The following LMBRD1 variants were observed in gnomAD, a reference collection of about 807,000 sequenced individuals.
The protein encoded by LMBRD1 is LMBR1 domain containing 1, also known as lysosomal cobalamin transport escort protein LMBD1.
In LMBRD1, 64 loss-of-function variants were observed where a neutral mutation model predicts 74.8. The observed-to-expected ratio is 0.86, with a 90% confidence interval of 0.70 to 1.05. The LOEUF (loss-of-function observed/expected upper bound fraction) is 1.05. LMBRD1 is among the 50% of genes least tolerant of loss of function. LMBRD1 has a pLI of 0.00. For synonymous variants in LMBRD1, 204 were observed against 216.3 expected (o/e 0.94, Z 0.50); for missense variants, 652 against 645.9 (o/e 1.01, Z -0.10).
At chr6:69,701,988 C>A in intron 9 of LMBRD1, 35 bp from the exon 10 acceptor site, 4 of 1,312,998 alleles carry the variant, frequency 3.0e-6, no homozygotes, top group East Asian at 2.4e-5. Context: ...AAATATAGTT[C>A]TAAAAGTTGA....
At chr6:69,771,341 C>T (rs1765573655) in intron 3 of LMBRD1, among the ~76,000 whole-genome samples, 1 of 152,162 alleles carries the variant, frequency 6.6e-6, no homozygotes, top group Non-Finnish European at 1.5e-5. Flanking sequence ...GCTATGTGGG[C>T]CTCTCCATAA....
chr6:69,737,243 T>C (rs1050905469), intron 7 of LMBRD1, among the ~76,000 whole-genome samples: 13 of 152,152 alleles, frequency 8.5e-5, no homozygotes, highest in African/African-American at 2.4e-5. Context: ...ATAATATTAA[T>C]GCTGCTTATA....
intron 9 of LMBRD1, among the ~76,000 whole-genome samples, chr6:69,703,405 T>G (rs1766176616): frequency 6.8e-6 from 1 of 147,948 alleles, no homozygotes; most frequent in Non-Finnish European, 1.5e-5. Flanking sequence ...GAACATGATA[T>G]AGAAACAGCA....
chr6:69,712,787 G>A (rs894109648), intron 9 of LMBRD1, among the ~76,000 whole-genome samples: 1 of 152,008 alleles, frequency 6.6e-6, no homozygotes. Flanking sequence ...AAGTTCCAGA[G>A]GTCTGCCATG....
At chr6:69,727,766 A>C (rs913806928) in intron 7 of LMBRD1, among the ~76,000 whole-genome samples, 3 of 151,544 alleles carry the variant, frequency 2.0e-5, no homozygotes, top group Non-Finnish European at 4.4e-5. Flanking sequence ...GAAAAATACA[A>C]AGAATAAAGC....
intron 9 of LMBRD1, among the ~76,000 whole-genome samples, 181 bp from the exon 10 acceptor site, chr6:69,702,134 A>G (rs1766146082): frequency 6.6e-6 from 1 of 151,940 alleles, no homozygotes; most frequent in Non-Finnish European, 1.5e-5. Flanking sequence ...TTATGAGACT[A>G]TTTGATTGAG....
intron 7 of LMBRD1, among the ~76,000 whole-genome samples, chr6:69,724,397 C>T (rs954067150): frequency 1.4e-5 from 2 of 139,838 alleles, no homozygotes; most frequent in Non-Finnish European, 3.1e-5. Context: ...AATATTCATA[C>T]AAAAACCCCT....
chr6:69,714,298 G>T (rs1464154991), intron 8 of LMBRD1, among the ~76,000 whole-genome samples: 1 of 151,896 alleles, frequency 6.6e-6, no homozygotes, highest in Non-Finnish European at 1.5e-5. Context: ...AGAGGTTTTT[G>T]TAACAATTGC....
chr6:69,761,321 C>CA lies in LMBRD1; in HGVS notation c.308-8966dup, dbSNP rs879914780. Among the ~76,000 whole-genome samples the CA allele has an allele frequency of 6.0e-3, 883 of 147,430 alleles. 9 individuals carry two copies. The highest frequency in any genetic ancestry group is 0.017 in the Middle Eastern group (5 of 290). On this transcript the variant is annotated intron_variant, in intron 3 of 15. Coordinates refer to ENST00000649934, the MANE Select transcript of LMBRD1 (RefSeq NM_018368.4). ...TTACACTGCAATGCCATTTTTTTAACAAAAAAAAAATTGTTAAATAAAATG... is the reference window on the plus strand; with the variant it reads ...TTACACTGCAATGCCATTTTTTTAACAAAAAAAAAAATTGTTAAATAAAATG...
intron 14 of LMBRD1, among the ~76,000 whole-genome samples, chr6:69,688,675 G>C (rs1204566260): frequency 6.6e-6 from 1 of 151,790 alleles, no homozygotes; most frequent in Non-Finnish European, 1.5e-5. Context: ...TGTCATCATT[G>C]TGTCTCTCAT....
At chr6:69,708,518 A>G (rs1766311375) in intron 9 of LMBRD1, among the ~76,000 whole-genome samples, 1 of 152,162 alleles carries the variant, frequency 6.6e-6, no homozygotes, top group South Asian at 2.1e-4. Flanking sequence ...AAGAAGTTAC[A>G]GAGTTGGTGA....
intron 7 of LMBRD1, among the ~76,000 whole-genome samples, chr6:69,721,967 C>T (rs1032552736): frequency 6.6e-6 from 1 of 152,036 alleles, no homozygotes; most frequent in Non-Finnish European, 1.5e-5. Flanking sequence ...GGGAGAGACT[C>T]CTCTGCCTGT....
Position 69,674,927 on chromosome 6 carries a change from C to T in LMBRD1, c.*1231G>A, listed in dbSNP as rs934283459. Reference sequence around the variant, plus strand: ...AGGGGAGGTTGCAGTGAGCTGAGATCGTGCCATTGCACTCCAGCCTGGGCG... The same window carrying T: ...AGGGGAGGTTGCAGTGAGCTGAGATTGTGCCATTGCACTCCAGCCTGGGCG... On this transcript the variant is annotated 3_prime_UTR_variant, in exon 16 of 16. Coordinates refer to ENST00000649934, the MANE Select transcript of LMBRD1 (RefSeq NM_018368.4). Among the ~76,000 whole-genome samples, 1 of 151,814 alleles carries T rather than the reference C, an allele frequency of 6.6e-6. No individual in the cohort carries two copies. The highest frequency in any genetic ancestry group is 2.4e-5 in the African/African-American group (1 of 41,314).
intron 3 of LMBRD1, among the ~76,000 whole-genome samples, chr6:69,770,808 T>A (rs549653901): frequency 6.6e-6 from 1 of 152,102 alleles, no homozygotes; most frequent in East Asian, 1.9e-4. Flanking sequence ...CATCAGAATG[T>A]AATTAAAGGC....
At chr6:69,745,553 C>T (rs375531725) in intron 5 of LMBRD1, among the ~76,000 whole-genome samples, 143 of 152,296 alleles carry the variant, frequency 9.4e-4, no homozygotes, top group South Asian at 2.1e-3. Flanking sequence ...CCACCGCGCC[C>T]GGCCAAAAAT....
intron 3 of LMBRD1, among the ~76,000 whole-genome samples, chr6:69,776,884 G>A (rs1019404885): frequency 6.6e-6 from 1 of 152,212 alleles, no homozygotes; most frequent in African/African-American, 2.4e-5. Context: ...GGCAGGTGCA[G>A]TGGCTCACGT....
intron 2 of LMBRD1, among the ~76,000 whole-genome samples, chr6:69,781,384 A>G (rs781224330): frequency 6.6e-6 from 1 of 152,220 alleles, no homozygotes; most frequent in Non-Finnish European, 1.5e-5. Context: ...TATTAAGTAT[A>G]AAGCAAAATT....
Position 69,699,168 on chromosome 6 carries a change from T to C in LMBRD1, c.1213A>G (p.Thr405Ala), listed in dbSNP as rs1362548652. The C allele has an allele frequency of 6.2e-7, 1 of 1,611,830 alleles. No individual in the cohort carries two copies. Among genetic ancestry groups the C allele is most frequent in the East Asian group, 2.2e-5 (1 of 44,748 alleles). Residue 405 changes from threonine (T) to alanine (A), a missense_variant, in exon 13 of 16, where the codon ACC (threonine) becomes GCC (alanine). This residue lies in a region of LMBRD1 where 598 missense variants were observed against 581.8 expected (regional missense o/e 1.03). Coordinates refer to ENST00000649934, the MANE Select transcript of LMBRD1 (RefSeq NM_018368.4). ...AGAAAAAGGAGTGCTTGGGGCCTGGTTCTACCTCTTCTGATTTTATATAAC... is the reference window on the plus strand; with the variant it reads ...AGAAAAAGGAGTGCTTGGGGCCTGGCTCTACCTCTTCTGATTTTATATAAC... ...IRLYKIRRGR[T>A]RPQALLFLCM...
intron 3 of LMBRD1, among the ~76,000 whole-genome samples, chr6:69,780,288 G>C (rs978287322): frequency 2.6e-5 from 4 of 151,876 alleles, no homozygotes; most frequent in Admixed American, 1.3e-4. Context: ...CCCTCCCTCT[G>C]TCTCTGTACA....
Sources: gnomAD v4.1 joint callset for allele counts (sites outside exome capture counted in the v4.1 genomes callset) on GRCh38, gnomAD v4.1.1 for gene constraint, gnomAD v4.1.1 regional missense constraint, MANE v1.5 for transcripts, NCBI Gene and HGNC (gene_info 2026-07-23, HGNC 2026-07-21) for gene names.